Variants in NECTIN2 observed in about 807,000 individuals in gnomAD.
The protein encoded by NECTIN2 is nectin cell adhesion molecule 2.
NECTIN2 carries 23 observed loss-of-function variants against 56.9 expected under a neutral mutation model. The observed-to-expected ratio is 0.40, with a 90% CI of 0.29 to 0.57. The LOEUF (loss-of-function observed/expected upper bound fraction) is 0.57. Among genes scored for constraint, NECTIN2 ranks in the 20% least tolerant of loss-of-function variants. The pLI, the probability that NECTIN2 is intolerant of heterozygous loss-of-function variation, is 0.38. For synonymous variants in NECTIN2, 302 were observed against 313.8 expected, an observed-to-expected ratio of 0.96 and a Z score of 0.40; for missense variants, 587 against 718.3, an observed-to-expected ratio of 0.82 and a Z score of 2.09.
intron 1 of NECTIN2, among the ~76,000 whole-genome samples, chr19:44,849,357 C>T (rs976166056): frequency 1.3e-5 from 2 of 152,098 alleles, no homozygotes; most frequent in Admixed American, 6.6e-5. Flanking sequence ...CAGGGAGCCC[C>T]AAAGACTCCA....
At chr19:44,856,484 G>A (rs1420685381) in intron 1 of NECTIN2, among the ~76,000 whole-genome samples, 1 of 152,090 alleles carries the variant, frequency 6.6e-6, no homozygotes, top group African/African-American at 2.4e-5. Flanking sequence ...TGAAGAACCC[G>A]CAACGGCTCC....
At chr19:44,864,017 C>CCCCT (rs1969065581) in intron 1 of NECTIN2, among the ~76,000 whole-genome samples, 2 of 151,556 alleles carry the variant, frequency 1.3e-5, no homozygotes, top group South Asian at 4.2e-4. Flanking sequence ...AGGATTCCCC[C>CCCCT]CCCCCAAAAA....
rs149399305 is a variant in NECTIN2, at chr19:44,878,262, T to C, written c.1042+3784T>C. On this transcript the variant is annotated intron_variant, in intron 5 of 8. Transcript: ENST00000252483. Reference sequence around the variant, plus strand: ...TCGCCCCGAGATGTGGGCCCGCTGGTGTGGGGGGCCGTGGGGGGGACACTG... The same window carrying C: ...TCGCCCCGAGATGTGGGCCCGCTGGCGTGGGGGGCCGTGGGGGGGACACTG... The C allele has an allele frequency of 3.2e-5, 30 of 942,100 alleles. No individual in the cohort carries two copies. The East Asian group carries it at 6.3e-4, about 20-fold the overall frequency. 58.4% of individuals were successfully genotyped at this position (942,100 alleles called of 1,614,324 possible). A position where few individuals can be genotyped will look rare whatever the true frequency, so the allele number is the denominator to read the frequency against.
At chr19:44,848,681 C>G (rs897803737) in intron 1 of NECTIN2, among the ~76,000 whole-genome samples, 2 of 151,368 alleles carry the variant, frequency 1.3e-5, no homozygotes, top group African/African-American at 4.9e-5. Flanking sequence ...CTCTCTCTCT[C>G]CCCTCCCCCT....
At position 44,865,939 on chromosome 19, in the gene NECTIN2, G is replaced by T; in HGVS notation, c.478+279G>T. On this transcript the variant is annotated intron_variant, in intron 2 of 8. Transcript: ENST00000252483. The surrounding 1 kb of genome is among the most constrained non-coding windows in gnomAD (Gnocchi z 5.2). ...TGTAATCCTAGCACTTTGGAAGGCCGAGATGGGCAGATCGCCTGAGGTCAG... is the reference window on the plus strand; with the variant it reads ...TGTAATCCTAGCACTTTGGAAGGCCTAGATGGGCAGATCGCCTGAGGTCAG... Among the ~76,000 whole-genome samples, 1 of 152,176 alleles carries T rather than the reference G, an allele frequency of 6.6e-6. No homozygotes were observed. The highest frequency in any genetic ancestry group is 1.9e-4 in the East Asian group (1 of 5,188).
Position 44,875,170 on chromosome 19 carries a change from C to G in NECTIN2, c.1042+692C>G, listed in dbSNP as rs150898834. 6.6e-6 allele frequency among the ~76,000 whole-genome samples: 1 copy of G among 152,108 alleles called. No homozygotes were observed. Among genetic ancestry groups the G allele is most frequent in the African/African-American group, 2.4e-5 (1 of 41,408 alleles). ...CACTCACCTGGATGGTAACCCTGCACGCTCAAACCCATTGTCACCAAGACA... is the reference window on the plus strand; with the variant it reads ...CACTCACCTGGATGGTAACCCTGCAGGCTCAAACCCATTGTCACCAAGACA... On this transcript the variant is annotated intron_variant, in intron 5 of 8. Coordinates refer to ENST00000252483, the MANE Select transcript of NECTIN2 (RefSeq NM_001042724.2). The surrounding 1 kb of genome is among the most constrained non-coding windows in gnomAD (Gnocchi z 4.2).
chr19:44,852,274 C>T (rs1968908247), intron 1 of NECTIN2, among the ~76,000 whole-genome samples: 1 of 152,094 alleles, frequency 6.6e-6, no homozygotes, highest in Non-Finnish European at 1.5e-5. Context: ...CTCAGCCTCC[C>T]AAGTAGTGGG....
intron 1 of NECTIN2, among the ~76,000 whole-genome samples, chr19:44,864,484 C>G (rs1199611212): frequency 1.3e-5 from 2 of 152,096 alleles, no homozygotes; most frequent in African/African-American, 2.4e-5. Context: ...TGAGCCACTA[C>G]CCTGGCCATC....
At chr19:44,878,180 C>T (rs1969262456) in intron 5 of NECTIN2, 2 of 629,354 alleles carry the variant, frequency 3.2e-6, no homozygotes, top group East Asian at 5.5e-5. Flanking sequence ...GATCTTGTGT[C>T]TCCCTTTCTC....
In NECTIN2 at chr19:44,865,243, T is replaced by G; in HGVS notation, c.89-28T>G. On this transcript the variant is annotated intron_variant, in intron 1 of 8. Coordinates refer to ENST00000252483, the MANE Select transcript of NECTIN2 (RefSeq NM_001042724.2). The surrounding 1 kb of genome is among the most constrained non-coding windows in gnomAD (Gnocchi z 5.2). ...TGTCTGGGTCCCTCCCCCACCCGACTACTTCACTCTCTGTCCTCTCTGCCC... is the reference window on the plus strand; with the variant it reads ...TGTCTGGGTCCCTCCCCCACCCGACGACTTCACTCTCTGTCCTCTCTGCCC... 6.4e-7 allele frequency: 1 copy of G among 1,574,434 alleles called. No individual in the cohort carries two copies. The highest frequency in any genetic ancestry group is 8.7e-7 in the Non-Finnish European group (1 of 1,155,864).
chr19:44,886,677 A>G (rs781276196), intron 8 of NECTIN2, among the ~76,000 whole-genome samples: 2 of 152,102 alleles, frequency 1.3e-5, no homozygotes, highest in Non-Finnish European at 2.9e-5. Context: ...AGCTAAGATC[A>G]CACCACTGCA....
At chr19:44,869,898 A>G (rs1026702749) in intron 2 of NECTIN2, among the ~76,000 whole-genome samples, 5 of 152,080 alleles carry the variant, frequency 3.3e-5, no homozygotes, top group African/African-American at 1.2e-4. Context: ...CAGTAAGCTG[A>G]GATTGCACCA....
intron 5 of NECTIN2, among the ~76,000 whole-genome samples, chr19:44,877,579 C>T (rs890966119): frequency 6.6e-6 from 1 of 152,208 alleles, no homozygotes; most frequent in Non-Finnish European, 1.5e-5. Context: ...TAAATGCTCC[C>T]AGCCACTCAA....
At chr19:44,876,081 TCCCGAAACTC>T (rs781651160) in intron 5 of NECTIN2, among the ~76,000 whole-genome samples, 15 of 152,134 alleles carry the variant, frequency 9.9e-5, no homozygotes, top group Non-Finnish European at 1.5e-4. Context: ...CCAGGAACCC[TCCCGAAACTC>T]CCCGAAACTC....
chr19:44,867,568 G>A (rs1046418125), intron 2 of NECTIN2, among the ~76,000 whole-genome samples: 2 of 152,212 alleles, frequency 1.3e-5, no homozygotes, highest in African/African-American at 2.4e-5. Context: ...GAGATAGGAT[G>A]TGCAGGGAAG....
chr19:44,874,392 T>G lies in NECTIN2; in HGVS notation c.956T>G (p.Val319Gly). ...AQGSQLVIHA[V>G]DSLFNTTFVC... ...GGCTCCCAGCTGGTCATCCACGCAG[T>G]GGACAGTCTGTTCAATACCACCTTC... Residue 319 changes from valine (V) to glycine (G), a missense_variant, in exon 5 of 9, where the codon GTG becomes GGG. Transcript: ENST00000252483. This position sits in a 1 kb window ranked among gnomAD's most constrained non-coding sequence, Gnocchi z 6.3. 6.2e-7 allele frequency: 1 copy of G among 1,614,146 alleles called. No homozygotes were observed. Among genetic ancestry groups the G allele is most frequent in the Non-Finnish European group, 8.5e-7 (1 of 1,180,008 alleles).
At chr19:44,864,196 A>G (rs1429683856) in intron 1 of NECTIN2, among the ~76,000 whole-genome samples, 4 of 151,938 alleles carry the variant, frequency 2.6e-5, no homozygotes, top group African/African-American at 9.7e-5. Flanking sequence ...AAAAAATACA[A>G]ATTAGCCAGG....
At chr19:44,866,910 C>T (rs573185441) in intron 2 of NECTIN2, among the ~76,000 whole-genome samples, 100 of 152,200 alleles carry the variant, frequency 6.6e-4, no homozygotes, top group African/African-American at 2.2e-3. Flanking sequence ...CTGTGGCTCA[C>T]GCCCATAACC....
At chr19:44,879,959 G>GGT (rs966983645) in intron 5 of NECTIN2, among the ~76,000 whole-genome samples, 1 of 152,132 alleles carries the variant, frequency 6.6e-6, no homozygotes, top group African/African-American at 2.4e-5. Flanking sequence ...TTAGGATGAA[G>GGT]GTGTGTGTGT....
Sources: gnomAD v4.1 joint callset for allele counts (sites outside exome capture counted in the v4.1 genomes callset) on GRCh38, gnomAD v4.1.1 for gene constraint, Gnocchi (gnomAD v3.1) non-coding constraint, MANE v1.5 for transcripts, NCBI Gene and HGNC (gene_info 2026-07-23, HGNC 2026-07-21) for gene names.